The following CLASP1 variants were observed in gnomAD, a reference collection of about 807,000 sequenced individuals.
CLASP1 encodes the protein cytoplasmic linker associated protein 1.
A neutral mutation model predicts 192.3 loss-of-function variants in CLASP1; 38 were observed. The observed-to-expected ratio is 0.20, with a 90% CI of 0.15 to 0.26. The LOEUF (loss-of-function observed/expected upper bound fraction) is 0.26, where lower values mean the gene tolerates loss of function less well. Ranked by LOEUF, CLASP1 falls within the 10% of genes least tolerant of loss-of-function variation. The pLI is 1.00. For missense variants in CLASP1, 1,433 were observed against 1,932.5 expected, an observed-to-expected ratio of 0.74 and a Z score of 4.85; for synonymous variants, 691 against 712.8, an observed-to-expected ratio of 0.97 and a Z score of 0.49.
chr2:121,637,408 G>GA (rs1389385498), intron 1 of CLASP1, among the ~76,000 whole-genome samples: 11 of 150,326 alleles, frequency 7.3e-5, no homozygotes, highest in East Asian at 1.9e-4. Flanking sequence ...CTATCTACAT[G>GA]AAAAAAAAAG....
At chr2:121,432,171 G>A (rs2081548739) in intron 19 of CLASP1, among the ~76,000 whole-genome samples, 1 of 152,102 alleles carries the variant, frequency 6.6e-6, no homozygotes, top group Non-Finnish European at 1.5e-5. Context: ...CTGGAGTGCA[G>A]TGGTGTGTGA....
At chr2:121,628,416 C>G (rs1016598967) in intron 1 of CLASP1, among the ~76,000 whole-genome samples, 2 of 152,116 alleles carry the variant, frequency 1.3e-5, no homozygotes, top group African/African-American at 4.8e-5. Context: ...TGGCTTACAC[C>G]TGTAATCCCA....
At chr2:121,643,324 C>T (rs1432494471) in intron 1 of CLASP1, among the ~76,000 whole-genome samples, 2 of 152,178 alleles carry the variant, frequency 1.3e-5, no homozygotes, top group African/African-American at 4.8e-5. Context: ...GGCAAAAAGA[C>T]TAGAAGACTT....
At chr2:121,635,221 AG>A (rs67123331) in intron 1 of CLASP1, among the ~76,000 whole-genome samples, 21,896 of 145,740 alleles carry the variant, frequency 0.15, 3,218 homozygotes, top group African/African-American at 0.39. Context: ...AAAAAAAAAA[AG>A]AAAAGAAAAG....
At chr2:121,395,078 C>T (rs547351135) in intron 30 of CLASP1, among the ~76,000 whole-genome samples, 1 of 152,200 alleles carries the variant, frequency 6.6e-6, no homozygotes, top group South Asian at 2.1e-4. Context: ...AAGGAGGCAA[C>T]TGAGTTCTAC....
chr2:121,597,920 G>A (rs2063330538), intron 2 of CLASP1, among the ~76,000 whole-genome samples: 1 of 152,208 alleles, frequency 6.6e-6, no homozygotes, highest in Non-Finnish European at 1.5e-5. Context: ...TCCAAGACAG[G>A]TCATTCTTAA....
chr2:121,452,118 C>T (rs1163341913), intron 14 of CLASP1, among the ~76,000 whole-genome samples: 1 of 152,152 alleles, frequency 6.6e-6, no homozygotes, highest in Non-Finnish European at 1.5e-5. Flanking sequence ...TTCATGGCAA[C>T]ATCACTGAAA....
intron 1 of CLASP1, among the ~76,000 whole-genome samples, chr2:121,620,282 A>T (rs2106097109): frequency 6.6e-6 from 1 of 151,810 alleles, no homozygotes; most frequent in African/African-American, 2.4e-5. Flanking sequence ...CTGATTAGGG[A>T]TCAGAAATTA....
At chr2:121,596,875 T>C (rs1392243909) in intron 2 of CLASP1, among the ~76,000 whole-genome samples, 1 of 152,194 alleles carries the variant, frequency 6.6e-6, no homozygotes, top group African/African-American at 2.4e-5. Context: ...CGCCCTCTCA[T>C]GTGCCCTCCC....
chr2:121,447,407 G>T lies in CLASP1; in HGVS notation c.1842C>A (p.Val614=), dbSNP rs567414024. The T allele has an allele frequency of 2.5e-6, 4 of 1,576,322 alleles. No individual in the cohort carries two copies. The African/African-American group carries it at 5.4e-5, about 21-fold the overall frequency. ...AAGGCGTCGTGCCCGAAGATGAGGA[G>T]ACTTTGGATTTGGCACTGGCTGCTG... is the stretch of plus-strand genomic sequence containing the variant. The change falls in exon 19 of 40, where the codon GTC becomes GTA. Residue 614 remains valine, a synonymous_variant. Coordinates refer to ENST00000263710, the Ensembl canonical transcript of CLASP1.
chr2:121,626,092 C>G (rs2068307295), intron 1 of CLASP1, among the ~76,000 whole-genome samples: 1 of 145,790 alleles, frequency 6.9e-6, no homozygotes, highest in Non-Finnish European at 1.5e-5. Flanking sequence ...GAGCGAGACT[C>G]CATCTCAAAA....
At chr2:121,596,960 T>C (rs1375887535) in intron 2 of CLASP1, among the ~76,000 whole-genome samples, 6 of 152,146 alleles carry the variant, frequency 3.9e-5, no homozygotes. Flanking sequence ...ATTTCAAATA[T>C]AAGGCAGCAC....
At chr2:121,564,105 C>T (rs2059316305) in intron 2 of CLASP1, among the ~76,000 whole-genome samples, 1 of 152,138 alleles carries the variant, frequency 6.6e-6, no homozygotes, top group African/African-American at 2.4e-5. Flanking sequence ...GTCCCACTTG[C>T]AATGTGTGGG....
intron 2 of CLASP1, among the ~76,000 whole-genome samples, chr2:121,591,497 CCT>C (rs1312580556): frequency 6.6e-6 from 1 of 152,176 alleles, no homozygotes; most frequent in East Asian, 1.9e-4. Flanking sequence ...GACACCTCTC[CCT>C]GAGGTCTTTC....
At chr2:121,483,518 ATGTG>A (rs1028833982) in intron 8 of CLASP1, among the ~76,000 whole-genome samples, 1 of 151,604 alleles carries the variant, frequency 6.6e-6, no homozygotes, top group Non-Finnish European at 1.5e-5. Flanking sequence ...GTATGTATAT[ATGTG>A]TGTGTATATA....
At position 121,458,918 on chromosome 2, in the gene CLASP1, T is replaced by C. The variant is rs369308250; in HGVS notation, c.1236A>G (p.Pro412=). 25 of 1,612,908 alleles carry C rather than the reference T, an allele frequency of 1.6e-5. No homozygotes were observed. The African/African-American group carries it at 2.9e-4, about 19-fold the overall frequency. ...TGTTTGGAATTAAATTAAAGATAGTTGGCATAATGGCTTCAGCTCCATGGT... is the reference window on the plus strand; with the variant it reads ...TGTTTGGAATTAAATTAAAGATAGTCGGCATAATGGCTTCAGCTCCATGGT... The change falls in exon 13 of 40, where the codon CCA becomes CCG. Residue 412 remains proline, a synonymous_variant. Transcript: ENST00000263710.
chr2:121,582,798 T>TA (rs1669837917), intron 2 of CLASP1, among the ~76,000 whole-genome samples: 2 of 151,490 alleles, frequency 1.3e-5, no homozygotes, highest in Admixed American at 1.3e-4. Context: ...TTTTTTTTTT[T>TA]AACTGAGACA....
chr2:121,523,039 G>T (rs2094493100), intron 6 of CLASP1, among the ~76,000 whole-genome samples: 1 of 152,172 alleles, frequency 6.6e-6, no homozygotes, highest in African/African-American at 2.4e-5. Context: ...CATAAGGATT[G>T]AGGGGTGAGG....
chr2:121,462,745 G>T, intron 9 of CLASP1, 140 bp from the exon 10 acceptor site: 1 of 609,684 alleles, frequency 1.6e-6, no homozygotes. Context: ...ATATAACTTT[G>T]AAGTGTCATG....
Sources: allele counts gnomAD v4.1 joint callset (sites outside exome capture counted in the v4.1 genomes callset), GRCh38; gene constraint gnomAD v4.1.1; transcripts MANE v1.5; gene names NCBI Gene and HGNC (gene_info 2026-07-23, HGNC 2026-07-21).